Variants in RABEP1 observed in about 807,000 individuals in gnomAD.
The protein encoded by RABEP1 is rabaptin, RAB GTPase binding effector protein 1, also known as rab GTPase-binding effector protein 1.
A neutral mutation model predicts 123.4 loss-of-function variants in RABEP1; 51 were observed. The observed-to-expected ratio is 0.41, with a 90% CI of 0.33 to 0.52. RABEP1 has a LOEUF of 0.52. RABEP1 is among the 20% of genes least tolerant of loss of function. The pLI, the probability that RABEP1 is intolerant of heterozygous loss-of-function variation, is 0.16. For missense variants in RABEP1, 888 were observed against 996.3 expected, an observed-to-expected ratio of 0.89 and a Z score of 1.46; for synonymous variants, 347 against 355.2, an observed-to-expected ratio of 0.98 and a Z score of 0.26.
chr17:5,377,050 A>G, intron 13 of RABEP1, 66 bp from the exon 14 acceptor site: 2 of 1,477,806 alleles, frequency 1.4e-6, no homozygotes, highest in Non-Finnish European at 1.8e-6. Context: ...GGTTACAGAA[A>G]ATCTTTAGCT....
intron 2 of RABEP1, among the ~76,000 whole-genome samples, chr17:5,311,696 T>TC (rs1179115136): frequency 6.5e-5 from 1 of 15,392 alleles, no homozygotes; most frequent in Admixed American, 9.8e-4. Flanking sequence ...CGACTTCATC[T>TC]CAAAAAAAAA....
intron 8 of RABEP1, among the ~76,000 whole-genome samples, chr17:5,359,047 C>T (rs1909266796): frequency 6.6e-6 from 1 of 151,698 alleles, no homozygotes. Flanking sequence ...CAGGCGTGAG[C>T]TACTGCGCCA....
chr17:5,297,267 CAA>C (rs1419405990), intron 1 of RABEP1, among the ~76,000 whole-genome samples: 1 of 152,032 alleles, frequency 6.6e-6, no homozygotes, highest in African/African-American at 2.4e-5. Flanking sequence ...AAATTGTACA[CAA>C]GACTTTTTTA....
Position 5,373,437 on chromosome 17 carries a change from C to T in RABEP1, c.2008C>T (p.Leu670Phe). The T allele has an allele frequency of 1.2e-6, 2 of 1,610,210 alleles. No individual in the cohort carries two copies. The highest frequency in any genetic ancestry group is 2.2e-5 in the South Asian group (2 of 90,302). Residue 670 changes from leucine to phenylalanine, a missense_variant, in exon 13 of 18, where the codon CTC becomes TTC. Physicochemically the swap from Leu to Phe is conservative, Grantham distance 22. Transcript: ENST00000537505. ...VSLQQAEDFI[L>F]PDTTEALREL... ...ATTACAGCAAGCAGAAGACTTCATC[C>T]TCCCAGACACTACAGAGGTAACTTA...
rs2144615805 is a variant in RABEP1 at position 5,338,024 on chromosome 17, A to G, written c.534A>G (p.Gln178=). 2 of 1,612,804 alleles carry G rather than the reference A, an allele frequency of 1.2e-6. No individual in the cohort carries two copies. The highest frequency in any genetic ancestry group is 4.5e-5 in the East Asian group (2 of 44,850). The change falls in exon 5 of 18, where the codon CAA becomes CAG. Residue 178 remains glutamine, a synonymous_variant. Coordinates refer to ENST00000537505, the MANE Select transcript of RABEP1 (RefSeq NM_004703.6). ...ENLENEMKKA[Q]EDAEKLRSVV... ...TTAATTCTTTTTAACCATAGGCCCA[A>G]GAGGATGCTGAGAAACTTCGGTCCG...
At chr17:5,295,597 A>G (rs1396708413) in intron 1 of RABEP1, among the ~76,000 whole-genome samples, 2 of 152,146 alleles carry the variant, frequency 1.3e-5, no homozygotes, top group African/African-American at 2.4e-5. Flanking sequence ...GTCAAAGTTT[A>G]CATACATTTA....
chr17:5,337,883 G>A, intron 4 of RABEP1, 136 bp from the exon 5 acceptor site: 4 of 838,610 alleles, frequency 4.8e-6, no homozygotes, highest in Non-Finnish European at 6.6e-6. Flanking sequence ...TTAGACATTA[G>A]TTCAGTTTTG....
chr17:5,386,017 T>C lies in RABEP1; in HGVS notation c.*2794T>C. ...TGAACACAACTGTAGGCTTGAGTTA[T>C]AAAGCACATTCCAAATTTTAAATAA... On this transcript the variant is annotated 3_prime_UTR_variant, in exon 18 of 18. Transcript: ENST00000537505. The C allele has an allele frequency of 3.7e-6, 2 of 545,946 alleles. No individual in the cohort carries two copies. Among genetic ancestry groups the C allele is most frequent in the South Asian group, 2.8e-5 (1 of 35,888 alleles). 33.8% of individuals were successfully genotyped at this position (545,946 alleles called of 1,614,324 possible).
chr17:5,330,947 C>T (rs1315334694), intron 2 of RABEP1, among the ~76,000 whole-genome samples: 1 of 151,372 alleles, frequency 6.6e-6, no homozygotes, highest in African/African-American at 2.4e-5. Context: ...TCGCTTGAGC[C>T]CAGGAATTTG....
chr17:5,380,306 T>G lies in RABEP1; in HGVS notation c.2272-58T>G, dbSNP rs569494516. On this transcript the variant is annotated intron_variant, in intron 15 of 17. Transcript: ENST00000537505. ...TCTCCAGGCTCTAGGCTCTTTTAGG[T>G]AGTGCACTGGGGCCCAGAGGGAGTT... 293 of 1,173,462 alleles carry G rather than the reference T, an allele frequency of 2.5e-4. 4 individuals are homozygous for G. The South Asian group carries it at 2.9e-3, about 12-fold the overall frequency. 72.7% of individuals were successfully genotyped at this position (1,173,462 alleles called of 1,614,324 possible). A position where few individuals can be genotyped will look rare whatever the true frequency, so the allele number is the denominator to read the frequency against.
chr17:5,282,547 G>C (rs1478995402), intron 1 of RABEP1, 27 bp downstream of exon 1: 16 of 1,180,078 alleles, frequency 1.4e-5, no homozygotes, highest in Non-Finnish European at 1.6e-5. Flanking sequence ...GGCAGGCGCG[G>C]CGGGCGCGGC....
intron 6 of RABEP1, among the ~76,000 whole-genome samples, chr17:5,348,202 C>T (rs912264209): frequency 6.6e-6 from 1 of 152,200 alleles, no homozygotes; most frequent in Non-Finnish European, 1.5e-5. Context: ...TGGTCTTGAA[C>T]TCCTGACCTC....
rs552512621 is a variant in RABEP1, at chr17:5,373,015, C to T, written c.1885-299C>T. Among the ~76,000 whole-genome samples the T allele has an allele frequency of 5.3e-5, 8 of 152,348 alleles. No individual in the cohort carries two copies. In the East Asian group the frequency reaches 1.4e-3, roughly 26 times the overall value. ...TCAGGCAATCCACCCACCTCAGCCT[C>T]CCAAAGTGTTGGGATTACAGGCGTG... On this transcript the variant is annotated intron_variant, in intron 12 of 17. Coordinates refer to ENST00000537505, the MANE Select transcript of RABEP1 (RefSeq NM_004703.6).
rs147063828 is a variant in RABEP1, at chr17:5,373,239, T to G, written c.1885-75T>G. ...CCTCAGCACTCCTTTAGTTTGGACT[T>G]GTTTTTCTCTGGTGTAGCTATCACC... On this transcript the variant is annotated intron_variant, in intron 12 of 17. Transcript: ENST00000537505. 155 of 1,443,838 alleles carry G rather than the reference T, an allele frequency of 1.1e-4. 1 individual carries two copies. The African/African-American group carries it at 1.9e-3, about 18-fold the overall frequency. 89.4% of individuals were successfully genotyped at this position (1,443,838 alleles called of 1,614,324 possible). A position where few individuals can be genotyped will look rare whatever the true frequency, so the allele number is the denominator to read the frequency against.
At chr17:5,370,816 A>T (rs1342047370) in intron 12 of RABEP1, among the ~76,000 whole-genome samples, 1 of 152,204 alleles carries the variant, frequency 6.6e-6, no homozygotes, top group Non-Finnish European at 1.5e-5. Context: ...CAGCAAATCT[A>T]CTAAGTAAAG....
At chr17:5,359,063 G>T (rs985236218) in intron 8 of RABEP1, among the ~76,000 whole-genome samples, 9 of 149,802 alleles carry the variant, frequency 6.0e-5, no homozygotes, top group African/African-American at 2.2e-4. Context: ...CGCCAGGCCT[G>T]TAGTCTGATG....
intron 13 of RABEP1, among the ~76,000 whole-genome samples, chr17:5,374,134 T>C (rs1310497822): frequency 6.7e-6 from 1 of 150,146 alleles, no homozygotes; most frequent in African/African-American, 2.5e-5. Flanking sequence ...TGGCATCATC[T>C]CTGCTCACTG....
chr17:5,386,008 C>T lies in RABEP1; in HGVS notation c.*2785C>T, dbSNP rs1911927184. 2 of 526,308 alleles carry T rather than the reference C, an allele frequency of 3.8e-6. No homozygotes were observed. The highest frequency in any genetic ancestry group is 6.6e-6 in the Non-Finnish European group (2 of 301,490). The allele number at this position is 526,308 out of a possible 1,614,324, so 32.6% of individuals were successfully genotyped here. A position where few individuals can be genotyped will look rare whatever the true frequency, so the allele number is the denominator to read the frequency against. The stretch of plus-strand genomic sequence containing the variant: ...AGTCCTTGCTGAACACAACTGTAGG[C>T]TTGAGTTATAAAGCACATTCCAAAT... On this transcript the variant is annotated 3_prime_UTR_variant, in exon 18 of 18. Coordinates refer to ENST00000537505, the MANE Select transcript of RABEP1 (RefSeq NM_004703.6).
rs568737847 is a variant in RABEP1 at position 5,316,053 on chromosome 17, A to G, written c.163+7231A>G. Among the ~76,000 whole-genome samples the G allele has an allele frequency of 4.6e-5, 7 of 152,344 alleles. No homozygotes were observed. In the South Asian group the frequency reaches 1.4e-3, roughly 32 times the overall value. ...AAAGTGCAGAGAAAAAATAATTGTC[A>G]ACCTAAAATTTTATATGCTGCTAAA... On this transcript the variant is annotated intron_variant, in intron 2 of 17. Coordinates refer to ENST00000537505, the MANE Select transcript of RABEP1 (RefSeq NM_004703.6).
Sources: allele counts gnomAD v4.1 joint callset (sites outside exome capture counted in the v4.1 genomes callset), GRCh38; gene constraint gnomAD v4.1.1; transcripts MANE v1.5; gene names NCBI Gene and HGNC (gene_info 2026-07-23, HGNC 2026-07-21).